Variants in GLG1 observed in about 807,000 individuals in gnomAD.
GLG1 encodes golgi glycoprotein 1, also known as Golgi apparatus protein 1.
In GLG1, 38 loss-of-function variants were observed where a neutral mutation model predicts 160.5. The ratio of observed to expected loss-of-function variants is 0.24; its 90% CI spans 0.18 to 0.31. The LOEUF is 0.31. Among genes scored for constraint, GLG1 ranks in the 10% least tolerant of loss-of-function variants. The pLI is 1.00. For synonymous variants in GLG1, 644 were observed against 543.4 expected (o/e 1.19, Z -2.57); for missense variants, 1,373 against 1,505.2 (o/e 0.91, Z 1.45).
intron 12 of GLG1, among the ~76,000 whole-genome samples, chr16:74,475,185 C>T (rs893134844): frequency 1.8e-4 from 26 of 142,974 alleles, no homozygotes; most frequent in Non-Finnish European, 3.5e-4. Flanking sequence ...AAAAAAAGAG[C>T]TGTGCAAATC....
intron 1 of GLG1, among the ~76,000 whole-genome samples, chr16:74,537,739 A>T (rs2017725344): frequency 1.4e-5 from 2 of 143,878 alleles, no homozygotes; most frequent in Non-Finnish European, 3.0e-5. Flanking sequence ...CTGAATTTCA[A>T]GTTTTTTTAA....
In GLG1 at chr16:74,451,985, T is replaced by C. The variant is rs558415697; in HGVS notation, c.*1182A>G. 2 of 1,133,884 alleles carry C rather than the reference T, an allele frequency of 1.8e-6. No individual in the cohort carries two copies. The highest frequency in any genetic ancestry group is 2.7e-6 in the Non-Finnish European group (2 of 745,532). 70.2% of individuals were successfully genotyped at this position (1,133,884 alleles called of 1,614,324 possible). A position where few individuals can be genotyped will look rare whatever the true frequency, so the allele number is the denominator to read the frequency against. On this transcript the variant is annotated 3_prime_UTR_variant, in exon 26 of 26. Coordinates refer to ENST00000422840, the MANE Select transcript of GLG1 (RefSeq NM_001145667.2). ...ATCCTCCATCTTTTAATGTGATAAC[T>C]TTCCACACCCTCTCCACGTAGAGGC... is the stretch of plus-strand genomic sequence containing the variant.
intron 8 of GLG1, 114 bp downstream of exon 8, chr16:74,490,887 T>G: frequency 1.4e-6 from 1 of 708,536 alleles, no homozygotes; most frequent in Non-Finnish European, 2.5e-6. Flanking sequence ...TAGTACCTAA[T>G]GTTCAATGTG....
intron 1 of GLG1, among the ~76,000 whole-genome samples, chr16:74,604,240 G>C (rs1410728935): frequency 6.6e-6 from 1 of 152,066 alleles, no homozygotes; most frequent in East Asian, 1.9e-4. Flanking sequence ...GTTCCAAAAA[G>C]CAAAAGTTAA....
At chr16:74,554,040 A>G (rs2018282140) in intron 1 of GLG1, among the ~76,000 whole-genome samples, 1 of 152,228 alleles carries the variant, frequency 6.6e-6, no homozygotes, top group Non-Finnish European at 1.5e-5. Flanking sequence ...ATTCTCAACC[A>G]TGGCCTAAGT....
intron 1 of GLG1, among the ~76,000 whole-genome samples, chr16:74,585,221 A>C (rs1453014767): frequency 6.6e-6 from 1 of 152,054 alleles, no homozygotes; most frequent in Non-Finnish European, 1.5e-5. Context: ...TGGTCTGGCC[A>C]ACATGGTGAA....
rs1447002257 is a variant in GLG1 at position 74,448,814 on chromosome 16, AGGCCGAAGTGCACTTT to A, written c.*4337_*4352del. On this transcript the variant is annotated 3_prime_UTR_variant, in exon 26 of 26. Transcript: ENST00000422840. The stretch of plus-strand genomic sequence containing the variant: ...GCTCACGCCTGTAATGCACTTTGGA[AGGCCGAAGTGCACTTT>A]GGCCGAAGTGGGCCACTTTGCGGCC... The A allele has an allele frequency of 2.0e-5, 3 of 151,366 alleles. No homozygotes were observed. Among genetic ancestry groups the A allele is most frequent in the East Asian group, 2.0e-4 (1 of 5,092 alleles). 9.4% of individuals were successfully genotyped at this position (151,366 alleles called of 1,614,324 possible). A position where few individuals can be genotyped will look rare whatever the true frequency, so the allele number is the denominator to read the frequency against.
chr16:74,540,024 ATTATATATATT>A lies in GLG1; in HGVS notation c.439-7882_439-7872del, dbSNP rs1415018027. Among the ~76,000 whole-genome samples the A allele has an allele frequency of 4.4e-4, 2 of 4,514 alleles. 1 individual carries two copies. The highest frequency in any genetic ancestry group is 8.1e-4 in the Non-Finnish European group (2 of 2,466). 3.0% of individuals were successfully genotyped at this position (4,514 alleles called of 152,430 possible). On this transcript the variant is annotated intron_variant, in intron 1 of 25. Coordinates refer to ENST00000422840, the MANE Select transcript of GLG1 (RefSeq NM_001145667.2). ...ATATATATATATTTTATATATATATATTATATATATTTTATATATATATTATATATATTTTA... is the reference window on the plus strand; with the variant it reads ...ATATATATATATTTTATATATATATATTATATATATATTATATATATTTTA...
chr16:74,570,602 C>G (rs2018797096), intron 1 of GLG1, among the ~76,000 whole-genome samples: 1 of 152,062 alleles, frequency 6.6e-6, no homozygotes, highest in South Asian at 2.1e-4. Flanking sequence ...ATGCCATCAA[C>G]AGATGGAGTC....
intron 1 of GLG1, among the ~76,000 whole-genome samples, chr16:74,572,523 C>A (rs7200644): frequency 0.71 from 100,985 of 142,542 alleles, 36,300 homozygotes; most frequent in African/African-American, 0.82. Flanking sequence ...AAAAAAAAAA[C>A]AAACAAAAAA....
chr16:74,555,329 A>G (rs2018322499), intron 1 of GLG1, among the ~76,000 whole-genome samples: 1 of 152,192 alleles, frequency 6.6e-6, no homozygotes, highest in African/African-American at 2.4e-5. Flanking sequence ...CCACTACACA[A>G]AAAACAAAAT....
At chr16:74,554,751 A>T (rs972276541) in intron 1 of GLG1, among the ~76,000 whole-genome samples, 2 of 152,160 alleles carry the variant, frequency 1.3e-5, no homozygotes, top group African/African-American at 4.8e-5. Flanking sequence ...TCATTTCCTC[A>T]ACTTGCAAAG....
intron 3 of GLG1, among the ~76,000 whole-genome samples, chr16:74,505,110 G>A (rs1275955694): frequency 2.0e-5 from 3 of 152,096 alleles, no homozygotes; most frequent in Admixed American, 6.6e-5. Flanking sequence ...TCCCCATTAG[G>A]CCTATCTATC....
At chr16:74,477,681 T>C (rs1267506035) in intron 11 of GLG1, 148 bp from the exon 12 acceptor site, 1 of 654,856 alleles carries the variant, frequency 1.5e-6, no homozygotes, top group East Asian at 2.9e-5. Context: ...AGAATAAAAA[T>C]TAAATGTTGC....
chr16:74,561,034 C>T (rs2018498886), intron 1 of GLG1, among the ~76,000 whole-genome samples: 1 of 152,238 alleles, frequency 6.6e-6, no homozygotes, highest in African/African-American at 2.4e-5. Context: ...CAGTCCTGCG[C>T]AGTCCTGCAC....
chr16:74,469,896 G>A (rs1047363396), intron 16 of GLG1, 89 bp downstream of exon 16: 7 of 852,036 alleles, frequency 8.2e-6, no homozygotes, highest in South Asian at 2.7e-5. Flanking sequence ...CCACGAGGCA[G>A]CAGGAGGGCT....
chr16:74,577,065 G>A (rs139121423), intron 1 of GLG1, among the ~76,000 whole-genome samples: 3 of 152,172 alleles, frequency 2.0e-5, no homozygotes, highest in Non-Finnish European at 2.9e-5. Context: ...AGCACCATAG[G>A]TGCATGCCAC....
chr16:74,517,085 C>T (rs2017001938), intron 2 of GLG1, among the ~76,000 whole-genome samples: 1 of 152,112 alleles, frequency 6.6e-6, no homozygotes. Context: ...AAAAAAAGTC[C>T]AGGACCAGGT....
chr16:74,483,514 C>G (rs1392463653), intron 9 of GLG1, among the ~76,000 whole-genome samples: 1 of 152,152 alleles, frequency 6.6e-6, no homozygotes, highest in Non-Finnish European at 1.5e-5. Flanking sequence ...ATCCCAGATA[C>G]TCCATCATTT....
Sources: gnomAD v4.1 joint callset for allele counts (sites outside exome capture counted in the v4.1 genomes callset) on GRCh38, gnomAD v4.1.1 for gene constraint, MANE v1.5 for transcripts, NCBI Gene and HGNC (gene_info 2026-07-23, HGNC 2026-07-21) for gene names.